Variants in ATAD1 observed in about 807,000 individuals in gnomAD.
ATAD1 encodes the protein outer mitochondrial transmembrane helix translocase.
ATAD1 carries 18 observed loss-of-function variants against 42.7 expected under a neutral mutation model. That is an observed-to-expected ratio of 0.42 (90% CI 0.29 to 0.63). The LOEUF is 0.63. Among genes scored for constraint, ATAD1 ranks in the 20% least tolerant of loss-of-function variants. ATAD1 has a pLI of 0.19. For missense variants in ATAD1, 294 were observed against 440.4 expected (o/e 0.67, Z 2.98); for synonymous variants, 132 against 143.1 (o/e 0.92, Z 0.55).
intron 5 of ATAD1, among the ~76,000 whole-genome samples, chr10:87,782,118 G>A (rs1278727666): frequency 1.3e-5 from 2 of 152,138 alleles, no homozygotes; most frequent in Non-Finnish European, 2.9e-5. Context: ...AGAATGACAT[G>A]AAAATCTAAC....
Position 87,753,655 on chromosome 10 carries a change from A to G in ATAD1, c.*1032T>C, listed in dbSNP as rs1470985347. On this transcript the variant is annotated 3_prime_UTR_variant, in exon 10 of 10. Coordinates refer to ENST00000680024, the MANE Select transcript of ATAD1 (RefSeq NM_001321967.2). ...TAATATACTAAGAAAACTAAAATTA[A>G]TTATAAAATGAGTATTTTTAGCACA... 6.6e-6 allele frequency: 1 copy of G among 152,610 alleles called. No homozygotes were observed. Among genetic ancestry groups the G allele is most frequent in the Non-Finnish European group, 1.5e-5 (1 of 68,018 alleles). The allele number at this position is 152,610 out of a possible 1,614,324, so 9.5% of individuals were successfully genotyped here.
At chr10:87,794,038 AAC>A (rs1440552633) in intron 2 of ATAD1, among the ~76,000 whole-genome samples, 1 of 152,102 alleles carries the variant, frequency 6.6e-6, no homozygotes, top group East Asian at 1.9e-4. Flanking sequence ...CAGCCTGGGC[AAC>A]ACAGACGCCA....
intron 2 of ATAD1, among the ~76,000 whole-genome samples, chr10:87,804,725 A>G (rs924424486): frequency 4.6e-5 from 7 of 152,192 alleles, no homozygotes; most frequent in African/African-American, 1.7e-4. Flanking sequence ...TTCCCAAGAC[A>G]GTTAACACAT....
intron 2 of ATAD1, among the ~76,000 whole-genome samples, chr10:87,799,705 A>G (rs927818193): frequency 1.3e-5 from 2 of 152,156 alleles, no homozygotes; most frequent in African/African-American, 4.8e-5. Context: ...GGATAATTGT[A>G]GACAAACTCA....
At chr10:87,825,591 G>A (rs903457530) in intron 1 of ATAD1, among the ~76,000 whole-genome samples, 8 of 152,138 alleles carry the variant, frequency 5.3e-5, no homozygotes, top group Admixed American at 1.3e-4. Context: ...TTACAGGCAT[G>A]AGCCACCGTG....
chr10:87,782,754 T>A (rs1275016405), intron 5 of ATAD1, among the ~76,000 whole-genome samples: 1 of 152,136 alleles, frequency 6.6e-6, no homozygotes, highest in Non-Finnish European at 1.5e-5. Flanking sequence ...CCCAGCACTT[T>A]AGGAGGCTGA....
chr10:87,796,810 T>C lies in ATAD1; in HGVS notation c.163-4055A>G, dbSNP rs1228123395. ...TTTATGGCTCAAACCGATAGTACTA[T>C]TTGCTGATGTCTGTGAGTATCCCCT... is the stretch of plus-strand genomic sequence containing the variant. On this transcript the variant is annotated intron_variant, in intron 2 of 9. Coordinates refer to ENST00000680024, the MANE Select transcript of ATAD1 (RefSeq NM_001321967.2). Among the ~76,000 whole-genome samples, 116 of 152,342 alleles carry C rather than the reference T, an allele frequency of 7.6e-4. 4 individuals carry two copies. The South Asian group carries it at 0.024, about 31-fold the overall frequency.
intron 2 of ATAD1, among the ~76,000 whole-genome samples, chr10:87,801,814 A>G (rs1286436333): frequency 6.6e-6 from 1 of 152,202 alleles, no homozygotes; most frequent in Non-Finnish European, 1.5e-5. Flanking sequence ...AGATTGTGAC[A>G]TCAAAATAGA....
intron 5 of ATAD1, among the ~76,000 whole-genome samples, chr10:87,778,459 TATG>T (rs1855417446): frequency 6.6e-6 from 1 of 152,202 alleles, no homozygotes; most frequent in Non-Finnish European, 1.5e-5. Flanking sequence ...TACATAATGA[TATG>T]ATATCTTGGG....
intron 7 of ATAD1, among the ~76,000 whole-genome samples, chr10:87,769,161 C>T (rs1424312466): frequency 6.6e-6 from 1 of 152,186 alleles, no homozygotes; most frequent in Non-Finnish European, 1.5e-5. Context: ...ATCTTCAGAA[C>T]CAATTAGGTA....
chr10:87,798,625 G>GGTGTGTGTGTGTGTGTGTGTGTGTGTGT (rs71022506), intron 2 of ATAD1, among the ~76,000 whole-genome samples: 1,862 of 124,758 alleles, frequency 0.015, 70 homozygotes, highest in Non-Finnish European at 0.02. Context: ...AGCTATAGGG[G>GGTGTGTGTGTGTGTGTGTGTGTGTGTGT]GTGTGTGTGT....
chr10:87,778,824 G>A (rs1855436531), intron 5 of ATAD1, among the ~76,000 whole-genome samples: 1 of 151,568 alleles, frequency 6.6e-6, no homozygotes, highest in Non-Finnish European at 1.5e-5. Context: ...GACATTCATC[G>A]GCAAAAAAAC....
At chr10:87,769,544 T>C (rs1395416207) in intron 7 of ATAD1, among the ~76,000 whole-genome samples, 1 of 152,208 alleles carries the variant, frequency 6.6e-6, no homozygotes, top group Non-Finnish European at 1.5e-5. Flanking sequence ...ATATTTTACA[T>C]TATTTATTTC....
chr10:87,798,955 T>C (rs1356674585), intron 2 of ATAD1, among the ~76,000 whole-genome samples: 1 of 152,186 alleles, frequency 6.6e-6, no homozygotes, highest in Non-Finnish European at 1.5e-5. Context: ...TGTATTTATG[T>C]GTTGTGTACA....
At chr10:87,794,897 C>G (rs1335519338) in intron 2 of ATAD1, among the ~76,000 whole-genome samples, 1 of 152,138 alleles carries the variant, frequency 6.6e-6, no homozygotes, top group Non-Finnish European at 1.5e-5. Context: ...GATCTCTTTC[C>G]TGCAACAGCA....
chr10:87,795,461 GC>G (rs1856337672), intron 2 of ATAD1, among the ~76,000 whole-genome samples: 5 of 96,484 alleles, frequency 5.2e-5, no homozygotes, highest in African/African-American at 2.0e-4. Flanking sequence ...ACCATGGTTT[GC>G]TTGTTTTTTT....
At chr10:87,799,790 T>A (rs930723470) in intron 2 of ATAD1, among the ~76,000 whole-genome samples, 3 of 136,012 alleles carry the variant, frequency 2.2e-5, no homozygotes, top group Non-Finnish European at 4.9e-5. Flanking sequence ...AATATTTTTT[T>A]TTTTAAAAAG....
chr10:87,816,482 A>G (rs892498700), intron 1 of ATAD1, among the ~76,000 whole-genome samples: 19 of 152,218 alleles, frequency 1.2e-4, no homozygotes, highest in Middle Eastern at 3.2e-3. Flanking sequence ...ACATCTATAT[A>G]TGACGCCCAC....
At position 87,796,818 on chromosome 10, in the gene ATAD1, T is replaced by TA. The variant is rs1202378155; in HGVS notation, c.163-4064_163-4063insT. Among the ~76,000 whole-genome samples, 116 of 152,336 alleles carry TA rather than the reference T, an allele frequency of 7.6e-4. 4 individuals are homozygous for TA. The South Asian group carries it at 0.024, about 31-fold the overall frequency. On this transcript the variant is annotated intron_variant, in intron 2 of 9. Transcript: ENST00000680024. ...TCAAACCGATAGTACTATTTGCTGA[T>TA]GTCTGTGAGTATCCCCTCCAGATAA...
Sources: allele counts gnomAD v4.1 joint callset (sites outside exome capture counted in the v4.1 genomes callset), GRCh38; gene constraint gnomAD v4.1.1; transcripts MANE v1.5; gene names NCBI Gene and HGNC (gene_info 2026-07-23, HGNC 2026-07-21).